ASTN2: variants seen among roughly 807,000 people sequenced by gnomAD.
ASTN2 encodes astrotactin-2.
In ASTN2, 54 loss-of-function variants were observed where a neutral mutation model predicts 139.8. The ratio of observed to expected loss-of-function variants is 0.39; its 90% CI spans 0.31 to 0.48. ASTN2 has a LOEUF of 0.48. Among genes scored for constraint, ASTN2 ranks in the 20% least tolerant of loss-of-function variants. The pLI is 0.95. For synonymous variants in ASTN2, 756 were observed against 719.5 expected, an observed-to-expected ratio of 1.05 and a Z score of -0.81; for missense variants, 1,565 against 1,725.1, an observed-to-expected ratio of 0.91 and a Z score of 1.64.
chr9:116,457,868 G>A (rs1265182510), intron 20 of ASTN2, among the ~76,000 whole-genome samples: 1 of 151,956 alleles, frequency 6.6e-6, no homozygotes, highest in Non-Finnish European at 1.5e-5. Flanking sequence ...CAAAAGAAAG[G>A]AAATCAGTAT....
At chr9:116,739,000 C>A (rs1829021232) in intron 13 of ASTN2, among the ~76,000 whole-genome samples, 2 of 127,104 alleles carry the variant, frequency 1.6e-5, no homozygotes, top group African/African-American at 5.8e-5. Context: ...GCTTGAAACA[C>A]AACATTCACT....
In ASTN2 at chr9:116,855,335, C is replaced by T. The variant is rs1418473022; in HGVS notation, c.2040+8248G>A. ...GATGCAAATGCTCCTGATTGAGGAG[C>T]TACTCCCTCCTTTTCATTTCCCAAA... is the stretch of plus-strand genomic sequence containing the variant. On this transcript the variant is annotated intron_variant, in intron 11 of 22. Transcript: ENST00000313400. Among the ~76,000 whole-genome samples, 8 of 152,328 alleles carry T rather than the reference C, an allele frequency of 5.3e-5. No individual in the cohort carries two copies. In the South Asian group the frequency reaches 1.4e-3, roughly 28 times the overall value.
At chr9:116,832,924 GA>G (rs1187978057) in intron 11 of ASTN2, among the ~76,000 whole-genome samples, 4 of 124,784 alleles carry the variant, frequency 3.2e-5, no homozygotes, top group Non-Finnish European at 3.3e-5. Context: ...TTTTCTGGAA[GA>G]TTTTTTTTGT....
At chr9:116,651,182 G>T (rs558671878) in intron 17 of ASTN2, among the ~76,000 whole-genome samples, 57 of 152,146 alleles carry the variant, frequency 3.7e-4, no homozygotes, top group African/African-American at 1.3e-3. Context: ...CTCCCAAAGT[G>T]TTGAGATTAC....
At chr9:117,343,997 G>A (rs1829138389) in intron 1 of ASTN2, among the ~76,000 whole-genome samples, 1 of 152,138 alleles carries the variant, frequency 6.6e-6, no homozygotes, top group Admixed American at 6.6e-5. Context: ...CTCTGAAAAT[G>A]TCACCCAAAG....
chr9:117,235,912 A>G (rs1833031231), intron 2 of ASTN2, among the ~76,000 whole-genome samples: 1 of 152,210 alleles, frequency 6.6e-6, no homozygotes, highest in Admixed American at 6.5e-5. Context: ...TTTCATACCA[A>G]TTGTGCAGAT....
At chr9:117,015,739 C>T (rs940529314) in intron 6 of ASTN2, among the ~76,000 whole-genome samples, 2 of 152,134 alleles carry the variant, frequency 1.3e-5, no homozygotes, top group African/African-American at 4.8e-5. Context: ...GACAGTCAAC[C>T]TCTTTCTGTT....
intron 4 of ASTN2, among the ~76,000 whole-genome samples, chr9:117,108,519 A>T (rs915867773): frequency 6.6e-6 from 1 of 150,514 alleles, no homozygotes; most frequent in African/African-American, 2.4e-5. Flanking sequence ...CTAGAAGTGG[A>T]CATGCACTGG....
At chr9:117,385,817 A>T (rs1267926124) in intron 1 of ASTN2, among the ~76,000 whole-genome samples, 1 of 152,178 alleles carries the variant, frequency 6.6e-6, no homozygotes, top group Non-Finnish European at 1.5e-5. Flanking sequence ...AAACTGAGAC[A>T]AAAGAAGAGA....
At chr9:116,737,202 G>T (rs1828949102) in intron 13 of ASTN2, among the ~76,000 whole-genome samples, 1 of 152,224 alleles carries the variant, frequency 6.6e-6, no homozygotes, top group Non-Finnish European at 1.5e-5. Context: ...CCGCCTGGGC[G>T]ATGGCCACAA....
chr9:116,942,077 C>G (rs559964931), intron 10 of ASTN2, among the ~76,000 whole-genome samples: 8 of 52,432 alleles, frequency 1.5e-4, no homozygotes, highest in Non-Finnish European at 6.8e-5. Flanking sequence ...TGCAAGTGCA[C>G]GTACGCACGC....
intron 2 of ASTN2, among the ~76,000 whole-genome samples, chr9:117,216,840 A>G (rs1451742032): frequency 1.3e-5 from 2 of 152,200 alleles, no homozygotes; most frequent in Non-Finnish European, 2.9e-5. Flanking sequence ...AATCCTTGAT[A>G]AACACAAGGG....
chr9:117,274,362 TCTGGGTTGGAACAGG>T (rs1198961748), intron 2 of ASTN2, among the ~76,000 whole-genome samples: 1 of 151,956 alleles, frequency 6.6e-6, no homozygotes, highest in Non-Finnish European at 1.5e-5. Flanking sequence ...AAAAAAATAG[TCTGGGTTGGAACAGG>T]CCAGAAAACA....
In ASTN2 at chr9:117,167,298, G is replaced by A. The variant is rs183872287; in HGVS notation, c.1016-25820C>T. 1.1e-4 allele frequency among the ~76,000 whole-genome samples: 16 copies of A among 151,822 alleles called. No homozygotes were observed. The East Asian group carries it at 3.1e-3, about 30-fold the overall frequency. On this transcript the variant is annotated intron_variant, in intron 3 of 22. Coordinates refer to ENST00000313400, the MANE Select transcript of ASTN2 (RefSeq NM_001365068.1). ...TTTTTTTCAAAACATTTCCTTAATT[G>A]CTAAATTTTTGTGACTTCAAAGAAA...
At chr9:116,934,538 C>A (rs1311583568) in intron 10 of ASTN2, among the ~76,000 whole-genome samples, 1 of 141,962 alleles carries the variant, frequency 7.0e-6, no homozygotes, top group Non-Finnish European at 1.5e-5. Context: ...ACAGCATGTT[C>A]TCACTTACAA....
At chr9:117,173,501 G>A (rs12375453) in intron 3 of ASTN2, among the ~76,000 whole-genome samples, 16,485 of 151,980 alleles carry the variant, frequency 0.11, 1,106 homozygotes, top group Middle Eastern at 0.17. Flanking sequence ...AGGGTACAAA[G>A]TAAACCTAAC....
intron 19 of ASTN2, among the ~76,000 whole-genome samples, chr9:116,565,814 T>C (rs73655406): frequency 0.16 from 24,034 of 151,894 alleles, 2,037 homozygotes; most frequent in African/African-American, 0.21. Flanking sequence ...AAATGTTGGC[T>C]CCAATCCAAT....
intron 17 of ASTN2, among the ~76,000 whole-genome samples, chr9:116,632,201 A>G (rs1162513873): frequency 0.048 from 1,444 of 30,174 alleles, 10 homozygotes; most frequent in East Asian, 0.073. Context: ...AGAGAGAAAG[A>G]AAGAAAAGAA....
chr9:117,098,778 T>TAA (rs34559407), intron 4 of ASTN2, among the ~76,000 whole-genome samples: 16,584 of 141,888 alleles, frequency 0.12, 1,094 homozygotes, highest in Non-Finnish European at 0.16. Flanking sequence ...ATTTTACTGT[T>TAA]AAAAAAAAAA....
Sources: allele counts gnomAD v4.1 joint callset (sites outside exome capture counted in the v4.1 genomes callset), GRCh38; gene constraint gnomAD v4.1.1; transcripts MANE v1.5; gene names NCBI Gene and HGNC (gene_info 2026-07-23, HGNC 2026-07-21).